The following NAALADL2 variants were observed in gnomAD, a reference collection of about 807,000 sequenced individuals.
NAALADL2 encodes inactive N-acetylated-alpha-linked acidic dipeptidase-like protein 2.
In NAALADL2, 76 loss-of-function variants were observed where a neutral mutation model predicts 87.2. The ratio of observed to expected loss-of-function variants is 0.87; its 90% CI spans 0.72 to 1.05. The LOEUF is 1.05. Ranked by LOEUF, NAALADL2 falls within the 50% of genes least tolerant of loss-of-function variation. NAALADL2 has a pLI of 0.00. For synonymous variants in NAALADL2, 354 were observed against 331.0 expected (o/e 1.07, Z -0.75); for missense variants, 1,089 against 945.8 (o/e 1.15, Z -1.99).
intron 6 of NAALADL2, among the ~76,000 whole-genome samples, chr3:175,458,937 CA>C (rs1722715560): frequency 6.6e-6 from 1 of 152,108 alleles, no homozygotes; most frequent in Admixed American, 6.6e-5. Context: ...TGGCTTATCT[CA>C]TTGCACTATT....
intron 5 of NAALADL2, among the ~76,000 whole-genome samples, chr3:175,430,634 CTT>C (rs1377116193): frequency 6.6e-6 from 1 of 151,936 alleles, no homozygotes; most frequent in Non-Finnish European, 1.5e-5. Context: ...ATAAGTCTAA[CTT>C]TGTGTCTCTA....
At chr3:175,261,006 C>A (rs1398163497) in intron 4 of NAALADL2, among the ~76,000 whole-genome samples, 3 of 151,890 alleles carry the variant, frequency 2.0e-5, no homozygotes, top group African/African-American at 7.3e-5. Flanking sequence ...CTGTGAAATC[C>A]ACATCTTGCT....
At chr3:175,510,049 T>C (rs1301285883) in intron 9 of NAALADL2, among the ~76,000 whole-genome samples, 5 of 151,130 alleles carry the variant, frequency 3.3e-5, no homozygotes, top group Non-Finnish European at 7.4e-5. Context: ...TCTTCCTGTG[T>C]CCATGTGTTC....
chr3:175,298,998 A>G (rs114701984), intron 4 of NAALADL2, among the ~76,000 whole-genome samples: 2,025 of 152,252 alleles, frequency 0.013, 50 homozygotes, highest in African/African-American at 0.046. Context: ...AGATTCTTTC[A>G]AAGTAATGAC....
intron 1 of NAALADL2, among the ~76,000 whole-genome samples, chr3:174,956,979 A>G (rs905554800): frequency 1.1e-4 from 16 of 151,962 alleles, no homozygotes; most frequent in Non-Finnish European, 2.1e-4. Context: ...AGCTTTCTCT[A>G]TCAGTACTCA....
intron 5 of NAALADL2, among the ~76,000 whole-genome samples, chr3:175,395,269 T>C (rs1228541316): frequency 6.6e-6 from 1 of 152,176 alleles, no homozygotes; most frequent in East Asian, 1.9e-4. Context: ...GAGTGTACAA[T>C]TAAAAACTTA....
At chr3:175,004,375 T>TAAAA (rs1560464787) in intron 1 of NAALADL2, among the ~76,000 whole-genome samples, 1 of 39,548 alleles carries the variant, frequency 2.5e-5, no homozygotes, top group Non-Finnish European at 5.1e-5. Flanking sequence ...TGAGACTATT[T>TAAAA]CAAAAAAAAA....
chr3:175,259,957 G>A (rs1750730045), intron 4 of NAALADL2, among the ~76,000 whole-genome samples: 1 of 151,996 alleles, frequency 6.6e-6, no homozygotes, highest in Non-Finnish European at 1.5e-5. Context: ...GAACCCGGGA[G>A]GTGGAGGTTG....
At chr3:175,408,321 T>A (rs879455365) in intron 5 of NAALADL2, among the ~76,000 whole-genome samples, 2 of 152,112 alleles carry the variant, frequency 1.3e-5, no homozygotes, top group Non-Finnish European at 2.9e-5. Flanking sequence ...GATGAATATG[T>A]TAATTAGCTT....
chr3:175,404,034 C>T (rs915568879), intron 5 of NAALADL2, among the ~76,000 whole-genome samples: 15 of 152,072 alleles, frequency 9.9e-5, no homozygotes, highest in African/African-American at 3.4e-4. Context: ...TTTTATTATA[C>T]ATACTCAAAA....
At chr3:175,664,564 GAA>G (rs1291796952) in intron 11 of NAALADL2, among the ~76,000 whole-genome samples, 1 of 151,582 alleles carries the variant, frequency 6.6e-6, no homozygotes, top group Non-Finnish European at 1.5e-5. Flanking sequence ...AACATCTGCT[GAA>G]AAGACTCTGA....
intron 1 of NAALADL2, among the ~76,000 whole-genome samples, chr3:174,870,693 T>C (rs1727727658): frequency 6.6e-6 from 1 of 152,140 alleles, no homozygotes; most frequent in Non-Finnish European, 1.5e-5. Context: ...GACCACTATA[T>C]TTTGCAGGTG....
At chr3:174,907,040 G>A (rs1335523385) in intron 1 of NAALADL2, among the ~76,000 whole-genome samples, 6 of 152,002 alleles carry the variant, frequency 3.9e-5, no homozygotes, top group Non-Finnish European at 8.8e-5. Flanking sequence ...AACTCTTTGT[G>A]CCTAGTAAAT....
intron 1 of NAALADL2, among the ~76,000 whole-genome samples, chr3:175,004,453 C>T (rs573348350): frequency 1.6e-4 from 23 of 142,646 alleles, no homozygotes; most frequent in African/African-American, 5.6e-4. Flanking sequence ...CCAGTTTTTG[C>T]GAGTGTGTGG....
intron 11 of NAALADL2, among the ~76,000 whole-genome samples, chr3:175,723,365 G>A (rs935789029): frequency 3.3e-5 from 5 of 152,208 alleles, no homozygotes; most frequent in South Asian, 2.1e-4. Flanking sequence ...CCTTACAGAC[G>A]AGGAAACAGA....
chr3:175,522,779 A>G (rs1436696813), intron 9 of NAALADL2, among the ~76,000 whole-genome samples: 1 of 152,172 alleles, frequency 6.6e-6, no homozygotes, highest in Non-Finnish European at 1.5e-5. Context: ...AATCTGAGTT[A>G]TTTTGATTTT....
intron 2 of NAALADL2, among the ~76,000 whole-genome samples, chr3:175,228,541 T>A (rs1744493371): frequency 6.6e-6 from 1 of 150,400 alleles, no homozygotes; most frequent in Admixed American, 6.6e-5. Context: ...TGGCAGATGA[T>A]GAAACCAGAA....
Position 175,807,360 on chromosome 3 carries a change from T to C in NAALADL2, c.*4157T>C, listed in dbSNP as rs2108380992. 1 of 152,098 alleles carries C rather than the reference T, an allele frequency of 6.6e-6. No homozygotes were observed. Among genetic ancestry groups the C allele is most frequent in the South Asian group, 2.1e-4 (1 of 4,832 alleles). 9.4% of individuals were successfully genotyped at this position (152,098 alleles called of 1,614,324 possible). A position where few individuals can be genotyped will look rare whatever the true frequency, so the allele number is the denominator to read the frequency against. ...AAATGATTATTTGTGACCATGTTAC[T>C]AATGATGAATCAGCATCTTTGCCTC... is the stretch of plus-strand genomic sequence containing the variant. On this transcript the variant is annotated 3_prime_UTR_variant, in exon 14 of 14. Coordinates refer to ENST00000454872, the MANE Select transcript of NAALADL2 (RefSeq NM_207015.3).
intron 1 of NAALADL2, among the ~76,000 whole-genome samples, chr3:174,910,108 G>A (rs897036099): frequency 2.8e-4 from 42 of 151,888 alleles, no homozygotes; most frequent in African/African-American, 8.7e-4. Context: ...TAATCAGAAT[G>A]TAGTTGATTT....
Sources: gnomAD v4.1 joint callset for allele counts (sites outside exome capture counted in the v4.1 genomes callset) on GRCh38, gnomAD v4.1.1 for gene constraint, MANE v1.5 for transcripts, NCBI Gene and HGNC (gene_info 2026-07-23, HGNC 2026-07-21) for gene names.